Variants in IGSF10 observed in about 807,000 individuals in gnomAD.
The protein encoded by IGSF10 is calvaria mechanical force protein 608.
In IGSF10, 126 loss-of-function variants were observed where a neutral mutation model predicts 128.2. That is an observed-to-expected ratio of 0.98 (90% CI 0.85 to 1.14). The LOEUF is 1.14. Among genes scored for constraint, IGSF10 ranks in the 50% most tolerant of loss-of-function variants. The probability of loss-of-function intolerance (pLI) is 0.00; values close to 1 mark genes in which losing one functional copy is unlikely to be tolerated. For missense variants in IGSF10, 3,295 were observed against 3,149.8 expected (o/e 1.05, Z -1.10); for synonymous variants, 1,185 against 1,146.2 (o/e 1.03, Z -0.68).
the IGSF10 span, among the ~76,000 whole-genome samples, chr3:151,504,582 CCAAT>C: frequency 1.3e-5 from 2 of 152,156 alleles, no homozygotes. Flanking sequence ...ACTCACATTT[CCAAT>C]CAATTTCCCA....
the IGSF10 span, among the ~76,000 whole-genome samples, chr3:151,589,120 T>G: frequency 6.6e-6 from 1 of 152,188 alleles, no homozygotes; most frequent in African/African-American, 2.4e-5. Context: ...GTAAAAATTT[T>G]TGCTAAATTT....
chr3:151,443,826 G>A lies in IGSF10; in HGVS notation c.5121C>T (p.Thr1707=), dbSNP rs376431233. Residue 1707 remains threonine (T), a synonymous_variant, in exon 7 of 8, where the codon ACC becomes ACT. Coordinates refer to ENST00000282466, the MANE Select transcript of IGSF10 (RefSeq NM_178822.5). The stretch of plus-strand genomic sequence containing the variant: ...GAATTTCCACCCTCTGGATGGACAG[G>A]GTACCATTGGGGAGAACCTGGACCC... ...NSRVQVLPNG[T]LSIQRVEIQD... 3 of 1,613,808 alleles carry A rather than the reference G, an allele frequency of 1.9e-6. No individual in the cohort carries two copies. In the African/African-American group the frequency reaches 4.0e-5, roughly 22 times the overall value.
intron 1 of IGSF10, among the ~76,000 whole-genome samples, 162 bp downstream of exon 1, chr3:151,460,784 A>G (rs1192509582): frequency 6.7e-6 from 1 of 149,052 alleles, no homozygotes; most frequent in Non-Finnish European, 1.5e-5. Context: ...GTGTGCTTTC[A>G]TGCCCCCACC....
At chr3:151,509,491 G>A in the IGSF10 span, among the ~76,000 whole-genome samples, 8 of 152,270 alleles carry the variant, frequency 5.3e-5, no homozygotes, top group South Asian at 8.3e-4. Context: ...TAAAAGTTCT[G>A]GGGGTAGAGC....
chr3:151,440,601 C>G (rs889195451), intron 7 of IGSF10: 2 of 456,712 alleles, frequency 4.4e-6, no homozygotes, highest in Non-Finnish European at 8.8e-6. Flanking sequence ...GGTTCTCAAG[C>G]CTTACGCTTT....
the IGSF10 span, among the ~76,000 whole-genome samples, chr3:151,515,658 G>A: frequency 1.3e-5 from 2 of 150,860 alleles, no homozygotes; most frequent in Non-Finnish European, 3.0e-5. Context: ...ACTCATCATG[G>A]AGAAGATAAA....
Position 151,447,421 on chromosome 3 carries a change from C to G in IGSF10, c.2560G>C (p.Glu854Gln). The G allele has an allele frequency of 6.2e-7, 1 of 1,614,028 alleles. No individual in the cohort carries two copies. Among genetic ancestry groups the G allele is most frequent in the South Asian group, 1.1e-5 (1 of 91,072 alleles). Residue 854 changes from glutamate (E) to glutamine (Q), a missense_variant, in exon 6 of 8, where the codon GAA (glutamate) becomes CAA (glutamine). Coordinates refer to ENST00000282466, the MANE Select transcript of IGSF10 (RefSeq NM_178822.5). ...PVVNSQILPP[E>Q]EPTDFKLSTA... is the part of the protein sequence containing the mutation. ...GACAGTTTGAAATCTGTGGGTTCTT[C>G]AGGTGGTAGTATTTGTGAATTCACA...
the IGSF10 span, among the ~76,000 whole-genome samples, chr3:151,525,742 C>T: frequency 1.3e-5 from 2 of 152,122 alleles, no homozygotes; most frequent in Admixed American, 1.3e-4. Flanking sequence ...CCTTTGAATC[C>T]CTTCCTTCAA....
the IGSF10 span, among the ~76,000 whole-genome samples, chr3:151,528,318 C>T: frequency 3.9e-5 from 6 of 152,088 alleles, no homozygotes; most frequent in South Asian, 2.1e-4. Context: ...ATCCAGATTT[C>T]GAGGGGCCTA....
the IGSF10 span, among the ~76,000 whole-genome samples, chr3:151,563,479 T>C: frequency 6.6e-6 from 1 of 152,114 alleles, no homozygotes. Context: ...CACTGCCAAG[T>C]AAGACAAATA....
At chr3:151,443,974 C>T in intron 6 of IGSF10, 90 bp from the exon 7 acceptor site, 1 of 1,021,212 alleles carries the variant, frequency 9.8e-7, no homozygotes. Context: ...ACTAAGAATA[C>T]ATTTAAATTA....
At chr3:151,507,750 C>CT in the IGSF10 span, among the ~76,000 whole-genome samples, 1 of 152,174 alleles carries the variant, frequency 6.6e-6, no homozygotes, top group Admixed American at 6.5e-5. Flanking sequence ...AAAAGTCCCT[C>CT]TGCCCACATG....
chr3:151,575,024 TG>T, the IGSF10 span, among the ~76,000 whole-genome samples: 3 of 152,212 alleles, frequency 2.0e-5, no homozygotes, highest in African/African-American at 7.2e-5. Flanking sequence ...CTCAAGACCC[TG>T]TTTGCCTGGG....
chr3:151,530,847 C>T, the IGSF10 span, among the ~76,000 whole-genome samples: 132 of 152,240 alleles, frequency 8.7e-4, no homozygotes, highest in Non-Finnish European at 1.2e-3. Context: ...ATGACGGGAT[C>T]CAATTCACAT....
At chr3:151,454,655 G>T (rs909424239) in intron 4 of IGSF10, among the ~76,000 whole-genome samples, 20 of 151,930 alleles carry the variant, frequency 1.3e-4, no homozygotes, top group African/African-American at 4.6e-4. Flanking sequence ...TCATAAGAGA[G>T]ACTATTGATT....
intron 2 of IGSF10, among the ~76,000 whole-genome samples, chr3:151,459,066 A>T (rs112449069): frequency 6.6e-6 from 1 of 152,248 alleles, no homozygotes; most frequent in Admixed American, 6.5e-5. Context: ...TCCTTTATAT[A>T]CATTAATTCT....
the IGSF10 span, among the ~76,000 whole-genome samples, chr3:151,518,138 A>G: frequency 6.6e-6 from 1 of 152,020 alleles, no homozygotes; most frequent in African/African-American, 2.4e-5. Flanking sequence ...TTTTCTGTAC[A>G]TTGTGAACTA....
rs781030167 is a variant in IGSF10 at position 151,446,612 on chromosome 3, T to A, written c.3369A>T (p.Thr1123=). 4.3e-6 allele frequency: 7 copies of A among 1,613,974 alleles called. No individual in the cohort carries two copies. The South Asian group carries it at 7.7e-5, about 18-fold the overall frequency. ...CAGTCCTGAAATATTTTATTGTGGGTGTTGTTTTCTCTACACTGGGTTTGT... is the reference window on the plus strand; with the variant it reads ...CAGTCCTGAAATATTTTATTGTGGGAGTTGTTTTCTCTACACTGGGTTTGT... ...LENKPSVEKT[T]PTIKYFRTEI... The change falls in exon 6 of 8, where the codon ACA becomes ACT. Residue 1123 remains threonine (T), a synonymous_variant. Coordinates refer to ENST00000282466, the MANE Select transcript of IGSF10 (RefSeq NM_178822.5).
At chr3:151,576,547 G>A in the IGSF10 span, among the ~76,000 whole-genome samples, 1 of 152,166 alleles carries the variant, frequency 6.6e-6, no homozygotes, top group African/African-American at 2.4e-5. Context: ...TGAGATAGGA[G>A]TTTGGCAGGA....
Sources: allele counts gnomAD v4.1 joint callset (sites outside exome capture counted in the v4.1 genomes callset), GRCh38; gene constraint gnomAD v4.1.1; transcripts MANE v1.5; gene names NCBI Gene and HGNC (gene_info 2026-07-23, HGNC 2026-07-21).